The following CYTH3 variants were observed in gnomAD, a reference collection of about 807,000 sequenced individuals.
CYTH3 encodes the protein cytohesin-3.
In CYTH3, 23 loss-of-function variants were observed where a neutral mutation model predicts 55.1. The ratio of observed to expected loss-of-function variants is 0.42; its 90% CI spans 0.30 to 0.59. The LOEUF is 0.59. Ranked by LOEUF, CYTH3 falls within the 20% of genes least tolerant of loss-of-function variation. CYTH3 has a pLI of 0.20. For missense variants in CYTH3, 413 were observed against 524.8 expected, an observed-to-expected ratio of 0.79 and a Z score of 2.08; for synonymous variants, 249 against 194.9, an observed-to-expected ratio of 1.28 and a Z score of -2.31.
intron 1 of CYTH3, among the ~76,000 whole-genome samples, chr7:6,228,655 G>A (rs1302070814): frequency 6.6e-6 from 1 of 152,162 alleles, no homozygotes; most frequent in Non-Finnish European, 1.5e-5. Flanking sequence ...TTTCGCTTCT[G>A]GAAATCCGGG....
chr7:6,217,770 G>T (rs1478784816), intron 1 of CYTH3, among the ~76,000 whole-genome samples: 3 of 152,158 alleles, frequency 2.0e-5, no homozygotes, highest in Admixed American at 1.3e-4. Context: ...GAAAATTGTA[G>T]TAGGCTGAAT....
chr7:6,210,459 A>G (rs1354180849), intron 1 of CYTH3, among the ~76,000 whole-genome samples: 1 of 152,230 alleles, frequency 6.6e-6, no homozygotes, highest in Non-Finnish European at 1.5e-5. Flanking sequence ...GTTTTCAACT[A>G]CCATGTCAAG....
chr7:6,176,641 G>A (rs1583745071), intron 5 of CYTH3, among the ~76,000 whole-genome samples: 2 of 152,196 alleles, frequency 1.3e-5, no homozygotes, highest in African/African-American at 4.8e-5. Context: ...GATTCCTTAG[G>A]ATATTCTATA....
chr7:6,207,882 G>A (rs898151190), intron 1 of CYTH3, among the ~76,000 whole-genome samples: 11 of 149,288 alleles, frequency 7.4e-5, no homozygotes, highest in Admixed American at 1.3e-4. Flanking sequence ...CCCAGAAAGC[G>A]GAGGTTGCAA....
chr7:6,237,025 C>T (rs1583186285), intron 1 of CYTH3, among the ~76,000 whole-genome samples: 2 of 152,192 alleles, frequency 1.3e-5, no homozygotes, highest in African/African-American at 2.4e-5. Flanking sequence ...CTTTTCACAA[C>T]GGCTCACAGA....
intron 1 of CYTH3, among the ~76,000 whole-genome samples, chr7:6,240,666 G>A (rs745669446): frequency 6.6e-6 from 1 of 152,018 alleles, no homozygotes. Flanking sequence ...TATACCTCAC[G>A]CCACACATCA....
At chr7:6,179,677 CA>C (rs1783434050) in intron 4 of CYTH3, among the ~76,000 whole-genome samples, 3 of 104,072 alleles carry the variant, frequency 2.9e-5, no homozygotes, top group South Asian at 3.1e-4. Flanking sequence ...ACACACACAC[CA>C]CACACACCCC....
chr7:6,272,472 A>G lies in CYTH3; in HGVS notation c.34+2T>C. On this transcript the variant is annotated splice_donor_variant, in intron 1 of 12. Transcript: ENST00000350796. LOFTEE classifies it high-confidence loss of function. ...CGAGCCCACCACACCTCCGACACTC[A>G]CCGCCACCACCCTCGCCGCCGCCGT... The G allele has an allele frequency of 1.6e-6, 2 of 1,283,366 alleles. No homozygotes were observed. Among genetic ancestry groups the G allele is most frequent in the East Asian group, 9.0e-5 (2 of 22,100 alleles). 79.5% of individuals were successfully genotyped at this position (1,283,366 alleles called of 1,614,324 possible). A position where few individuals can be genotyped will look rare whatever the true frequency, so the allele number is the denominator to read the frequency against.
intron 1 of CYTH3, among the ~76,000 whole-genome samples, chr7:6,241,969 C>A (rs1261168407): frequency 6.6e-6 from 1 of 152,118 alleles, no homozygotes; most frequent in Non-Finnish European, 1.5e-5. Flanking sequence ...ATAATTATTT[C>A]TAAGAGGTAG....
Position 6,173,750 on chromosome 7 carries a change from T to G in CYTH3, c.369-17A>C, listed in dbSNP as rs766134647. ...AATTCATCCCTGGGAAAAAAAGAAG[T>G]AAGTTTCAAACCTAATGTACATTAT... On this transcript the variant is annotated splice_polypyrimidine_tract_variant and intron_variant, in intron 5 of 12. Transcript: ENST00000350796. The G allele has an allele frequency of 2.2e-5, 33 of 1,480,910 alleles. No homozygotes were observed. The highest frequency in any genetic ancestry group is 3.8e-6 in the Non-Finnish European group (4 of 1,058,730). 91.7% of individuals were successfully genotyped at this position (1,480,910 alleles called of 1,614,324 possible). A position where few individuals can be genotyped will look rare whatever the true frequency, so the allele number is the denominator to read the frequency against.
intron 1 of CYTH3, among the ~76,000 whole-genome samples, chr7:6,214,226 C>CT (rs1784381170): frequency 6.6e-6 from 1 of 152,148 alleles, no homozygotes; most frequent in South Asian, 2.1e-4. Context: ...ATCGTGGAGC[C>CT]TAGGTGGGGG....
intron 1 of CYTH3, among the ~76,000 whole-genome samples, chr7:6,192,566 T>C (rs1201555111): frequency 1.5e-5 from 2 of 133,658 alleles, no homozygotes; most frequent in African/African-American, 5.8e-5. Flanking sequence ...AGAGTCTCGC[T>C]CTGTCGCCAG....
chr7:6,225,123 T>C (rs763126340), intron 1 of CYTH3, among the ~76,000 whole-genome samples: 1 of 152,200 alleles, frequency 6.6e-6, no homozygotes, highest in Admixed American at 6.5e-5. Flanking sequence ...ATGGCTGTAA[T>C]TCCAAAACAA....
chr7:6,221,473 G>A (rs1350564289), intron 1 of CYTH3, among the ~76,000 whole-genome samples: 2 of 152,132 alleles, frequency 1.3e-5, no homozygotes, highest in Admixed American at 1.3e-4. Context: ...TTGTGGTGAT[G>A]GAACAGTTCT....
chr7:6,193,102 GCAA>G (rs1783842783), intron 1 of CYTH3, among the ~76,000 whole-genome samples: 2 of 152,140 alleles, frequency 1.3e-5, no homozygotes, highest in African/African-American at 4.8e-5. Context: ...AAACAGGAAA[GCAA>G]AGGTTGCAGT....
intron 4 of CYTH3, among the ~76,000 whole-genome samples, chr7:6,183,530 C>G (rs749211952): frequency 6.6e-6 from 1 of 152,182 alleles, no homozygotes; most frequent in Non-Finnish European, 1.5e-5. Flanking sequence ...TGCACCTCAA[C>G]AAACCAAAGC....
At chr7:6,189,042 A>G (rs1320354158) in intron 2 of CYTH3, among the ~76,000 whole-genome samples, 2 of 152,212 alleles carry the variant, frequency 1.3e-5, no homozygotes, top group African/African-American at 4.8e-5. Flanking sequence ...TGGCCTGTGA[A>G]GCCACATTTA....
chr7:6,265,554 T>C (rs934128074), intron 1 of CYTH3, among the ~76,000 whole-genome samples: 10 of 150,240 alleles, frequency 6.7e-5, no homozygotes, highest in Non-Finnish European at 1.5e-4. Context: ...AGGAAGCGGA[T>C]GTTGCAGTGA....
At chr7:6,205,629 T>G (rs971253474) in intron 1 of CYTH3, among the ~76,000 whole-genome samples, 8 of 152,038 alleles carry the variant, frequency 5.3e-5, no homozygotes, top group African/African-American at 1.9e-4. Context: ...AAATATTACT[T>G]GTGTACTAAA....
Sources: allele counts gnomAD v4.1 joint callset (sites outside exome capture counted in the v4.1 genomes callset), GRCh38; gene constraint gnomAD v4.1.1; transcripts MANE v1.5; gene names NCBI Gene and HGNC (gene_info 2026-07-23, HGNC 2026-07-21).